ARHGAP22: variants seen among roughly 807,000 people sequenced by gnomAD.
The protein encoded by ARHGAP22 is Rho GTPase activating protein 22.
A neutral mutation model predicts 59.1 loss-of-function variants in ARHGAP22; 48 were observed. The observed-to-expected ratio is 0.81, with a 90% CI of 0.64 to 1.03. ARHGAP22 has a LOEUF of 1.03. ARHGAP22 is among the 50% of genes least tolerant of loss of function. The probability of loss-of-function intolerance (pLI) is 0.00; values close to 1 mark genes in which losing one functional copy is unlikely to be tolerated. For synonymous variants in ARHGAP22, 445 were observed against 416.4 expected, an observed-to-expected ratio of 1.07 and a Z score of -0.84; for missense variants, 1,015 against 958.7, an observed-to-expected ratio of 1.06 and a Z score of -0.78.
chr10:48,596,054 T>C (rs1185254080), intron 1 of ARHGAP22, among the ~76,000 whole-genome samples: 1 of 152,220 alleles, frequency 6.6e-6, no homozygotes, highest in South Asian at 2.1e-4. Flanking sequence ...AATACTTTAA[T>C]GATTTAACAA....
At chr10:48,529,159 T>C (rs1448746376) in intron 3 of ARHGAP22, among the ~76,000 whole-genome samples, 1 of 152,094 alleles carries the variant, frequency 6.6e-6, no homozygotes, top group African/African-American at 2.4e-5. Flanking sequence ...GCTAGCCTGG[T>C]GGCTAGAGCG....
intron 4 of ARHGAP22, among the ~76,000 whole-genome samples, chr10:48,474,973 AT>A (rs1172659269): frequency 2.6e-5 from 4 of 152,196 alleles, no homozygotes; most frequent in Non-Finnish European, 5.9e-5. Context: ...ACTTAAAAAA[AT>A]AAACCAACTT....
chr10:48,438,949 T>C, the ARHGAP22 span: 2 of 152,204 alleles, frequency 1.3e-5, no homozygotes, highest in African/African-American at 2.4e-5. Flanking sequence ...GTAGGCCCAA[T>C]ATTTGGTATA....
At chr10:48,484,969 G>C (rs1184803440) in intron 3 of ARHGAP22, among the ~76,000 whole-genome samples, 1 of 152,204 alleles carries the variant, frequency 6.6e-6, no homozygotes, top group Non-Finnish European at 1.5e-5. Flanking sequence ...TAAAGGACTA[G>C]ATGGCAAACA....
intron 1 of ARHGAP22, chr10:48,652,218 A>G (rs1201908896): frequency 6.5e-7 from 1 of 1,533,364 alleles, no homozygotes. Flanking sequence ...CACATAGAAC[A>G]TAAAAAAATT....
intron 4 of ARHGAP22, among the ~76,000 whole-genome samples, chr10:48,474,783 C>G (rs1184685737): frequency 6.6e-6 from 1 of 152,050 alleles, no homozygotes; most frequent in East Asian, 1.9e-4. Context: ...ATTAAATCAC[C>G]CTTCCATTCT....
chr10:48,512,241 T>G (rs767149431), intron 3 of ARHGAP22, among the ~76,000 whole-genome samples: 1 of 152,272 alleles, frequency 6.6e-6, no homozygotes, highest in Non-Finnish European at 1.5e-5. Flanking sequence ...TTTCTCAAAG[T>G]GCACACCGGC....
intron 3 of ARHGAP22, among the ~76,000 whole-genome samples, chr10:48,551,429 A>G (rs188815317): frequency 1.5e-4 from 23 of 152,274 alleles, no homozygotes; most frequent in African/African-American, 5.5e-4. Flanking sequence ...GCAGAACCCC[A>G]TTTGCCATCA....
intron 5 of ARHGAP22, among the ~76,000 whole-genome samples, chr10:48,456,733 G>T (rs1278518802): frequency 6.6e-6 from 1 of 152,002 alleles, no homozygotes; most frequent in Admixed American, 6.5e-5. Flanking sequence ...CTGCATCCCT[G>T]CCCCGCAGGG....
At chr10:48,546,879 GC>G (rs768693526) in intron 3 of ARHGAP22, among the ~76,000 whole-genome samples, 2 of 152,154 alleles carry the variant, frequency 1.3e-5, no homozygotes, top group Non-Finnish European at 2.9e-5. Flanking sequence ...CCTACTATGA[GC>G]CAGGATCTGG....
intron 2 of ARHGAP22, among the ~76,000 whole-genome samples, chr10:48,578,336 A>G (rs575713416): frequency 6.6e-6 from 1 of 152,218 alleles, no homozygotes; most frequent in East Asian, 1.9e-4. Flanking sequence ...TCCTGCATCC[A>G]GAATGCTTTC....
chr10:48,577,314 T>C (rs959822306), intron 2 of ARHGAP22, among the ~76,000 whole-genome samples: 2 of 152,224 alleles, frequency 1.3e-5, no homozygotes, highest in Non-Finnish European at 2.9e-5. Flanking sequence ...CAACTTGCTT[T>C]TTGTTTTCTT....
chr10:48,508,611 G>A (rs1011212494), intron 3 of ARHGAP22, among the ~76,000 whole-genome samples: 2 of 152,252 alleles, frequency 1.3e-5, no homozygotes, highest in African/African-American at 4.8e-5. Context: ...CAAAAAAATG[G>A]GAAGTCATCA....
At chr10:48,516,128 C>G (rs1364456727) in intron 3 of ARHGAP22, among the ~76,000 whole-genome samples, 2 of 152,008 alleles carry the variant, frequency 1.3e-5, no homozygotes, top group Non-Finnish European at 2.9e-5. Context: ...CAAACTTTAG[C>G]TAGACTGACC....
At chr10:48,459,095 T>C (rs1343904422) in intron 5 of ARHGAP22, among the ~76,000 whole-genome samples, 2 of 152,138 alleles carry the variant, frequency 1.3e-5, no homozygotes, top group African/African-American at 4.8e-5. Flanking sequence ...GGGGGCACTG[T>C]CAGGGGAAAC....
At chr10:48,494,220 G>T (rs1334041429) in intron 3 of ARHGAP22, among the ~76,000 whole-genome samples, 1 of 152,186 alleles carries the variant, frequency 6.6e-6, no homozygotes, top group East Asian at 1.9e-4. Flanking sequence ...GTGGCCCAGG[G>T]TCACCACGCT....
chr10:48,574,029 C>T (rs750509262), intron 2 of ARHGAP22, among the ~76,000 whole-genome samples: 2 of 149,352 alleles, frequency 1.3e-5, no homozygotes, highest in Non-Finnish European at 3.0e-5. Context: ...ATGTGTCAGA[C>T]ATTGTTCTGG....
intron 3 of ARHGAP22, chr10:48,524,223 A>G (rs4575220): frequency 1 from 621,634 of 621,710 alleles, 310,779 homozygotes; most frequent in Middle Eastern, 1. Context: ...GGTGCGCGGG[A>G]CCGCCGGCCC....
exon 1 of ARHGAP22, chr10:48,652,557 C>T: frequency 2.0e-6 from 1 of 502,102 alleles, no homozygotes; most frequent in South Asian, 3.1e-5. Context: ...ATCAGTTCCT[C>T]AAATCTGTAA....
Sources: gnomAD v4.1 joint callset for allele counts (sites outside exome capture counted in the v4.1 genomes callset) on GRCh38, gnomAD v4.1.1 for gene constraint, MANE v1.5 for transcripts, NCBI Gene and HGNC (gene_info 2026-07-23, HGNC 2026-07-21) for gene names.